The following HLA-DRB1 variants were observed in gnomAD, a reference collection of about 807,000 sequenced individuals.
The protein encoded by HLA-DRB1 is major histocompatibility complex, class II, DR beta 1.
In HLA-DRB1, 10 loss-of-function variants were observed where a neutral mutation model predicts 27.9. That is an observed-to-expected ratio of 0.36 (90% CI 0.22 to 0.61). The LOEUF is 0.61. Ranked by LOEUF, HLA-DRB1 falls within the 20% of genes least tolerant of loss-of-function variation. The pLI is 0.73. For synonymous variants in HLA-DRB1, 57 were observed against 126.7 expected (o/e 0.45, Z 3.69); for missense variants, 118 against 306.3 (o/e 0.39, Z 4.59).
At chr6:32,583,663 T>C in intron 2 of HLA-DRB1, among the ~76,000 whole-genome samples, 1 of 64,016 alleles carries the variant, frequency 1.6e-5, no homozygotes, top group African/African-American at 6.7e-5. Flanking sequence ...CCTCCTCACA[T>C]TATCCCAAAC....
At chr6:32,584,359 A>AGCC in exon 2 of HLA-DRB1, 3 of 759,112 alleles carry the variant, frequency 4.0e-6, no homozygotes, top group South Asian at 1.6e-5. Flanking sequence ...ACTCCCTCTT[A>AGCC]GGCTGCCACA....
chr6:32,586,481 G>C (rs552672286), intron 1 of HLA-DRB1, among the ~76,000 whole-genome samples: 11,044 of 66,746 alleles, frequency 0.17, 33 homozygotes, highest in Middle Eastern at 0.23. Flanking sequence ...TATTTTCCTG[G>C]ACTTACACAC....
intron 1 of HLA-DRB1, among the ~76,000 whole-genome samples, chr6:32,585,637 C>T: frequency 7.3e-6 from 1 of 137,752 alleles, no homozygotes. Context: ...TTCTGTTCTT[C>T]TATTAGTTTC....
rs1211493692 is a variant in HLA-DRB1 at position 32,580,670 on chromosome 6, GAACT to G, written c.763+72_763+75del. On this transcript the variant is annotated intron_variant, in intron 4 of 5. Coordinates refer to ENST00000360004, the Ensembl canonical transcript of HLA-DRB1. ...TTATTCAGGGCCACTCATATACTGA[GAACT>G]AACCTCAGCAAAGCCATAGTTCCTC... is the stretch of plus-strand genomic sequence containing the variant. The G allele has an allele frequency of 5.3e-6, 7 of 1,328,570 alleles. 2 individuals carry two copies. Among genetic ancestry groups the G allele is most frequent in the African/African-American group, 4.5e-5 (3 of 66,534 alleles). 82.3% of individuals were successfully genotyped at this position (1,328,570 alleles called of 1,614,324 possible). A position where few individuals can be genotyped will look rare whatever the true frequency, so the allele number is the denominator to read the frequency against.
chr6:32,584,569 C>T (rs41285671), intron 1 of HLA-DRB1, among the ~76,000 whole-genome samples, 191 bp from the exon 2 acceptor site: 47,030 of 140,548 alleles, frequency 0.33, 3,213 homozygotes, highest in Middle Eastern at 0.42. Context: ...CCTGGGGGAC[C>T]ATGCGGGAAA....
At chr6:32,586,402 A>G (rs9270078) in intron 1 of HLA-DRB1, among the ~76,000 whole-genome samples, 26,239 of 63,116 alleles carry the variant, frequency 0.42, 7,559 homozygotes, top group Middle Eastern at 0.54. Context: ...TCTCTATCAT[A>G]TTCTCACTTG....
chr6:32,584,825 T>A (rs1776166155), intron 1 of HLA-DRB1, among the ~76,000 whole-genome samples: 1 of 113,524 alleles, frequency 8.8e-6, no homozygotes, highest in Non-Finnish European at 1.8e-5. Flanking sequence ...CTGCGCTGCC[T>A]CTAGGAATCC....
intron 1 of HLA-DRB1, 122 bp downstream of exon 1, chr6:32,589,521 A>C: frequency 2.1e-6 from 1 of 469,716 alleles, no homozygotes; most frequent in Non-Finnish European, 3.7e-6. Flanking sequence ...CCAATGATAA[A>C]GATGGGCAAT....
intron 3 of HLA-DRB1, among the ~76,000 whole-genome samples, 174 bp downstream of exon 3, chr6:32,581,383 T>G: frequency 1.3e-5 from 1 of 75,700 alleles, no homozygotes; most frequent in Non-Finnish European, 2.6e-5. Flanking sequence ...CTCCAGGAGG[T>G]ACAGGTGTTT....
At chr6:32,584,862 T>C (rs1776171854) in intron 1 of HLA-DRB1, among the ~76,000 whole-genome samples, 1 of 119,954 alleles carries the variant, frequency 8.3e-6, no homozygotes, top group Non-Finnish European at 1.7e-5. Context: ...ACCTCTCCAC[T>C]CCTCTGGGGG....
chr6:32,589,591 C>T lies in HLA-DRB1; in HGVS notation c.100+52G>A, dbSNP rs200753731. 3,050 of 506,326 alleles carry T rather than the reference C, an allele frequency of 6.0e-3. 55 individuals carry two copies. The highest frequency in any genetic ancestry group is 0.035 in the East Asian group (647 of 18,358). The allele number at this position is 506,326 out of a possible 1,614,324, so 31.4% of individuals were successfully genotyped here. On this transcript the variant is annotated intron_variant, in intron 1 of 5. Transcript: ENST00000360004. ...TGGCCTGGGCACAATGTTAACAAAA[C>T]TCCCTATTTTCCCCACCCCATAGTA...
chr6:32,585,975 G>A (rs34865013), intron 1 of HLA-DRB1, among the ~76,000 whole-genome samples: 17,321 of 61,192 alleles, frequency 0.28, 2,266 homozygotes, highest in Middle Eastern at 0.36. Context: ...GATGGCGACT[G>A]GATTCATTTT....
At chr6:32,581,311 G>GTGA (rs1295443803) in intron 3 of HLA-DRB1, among the ~76,000 whole-genome samples, 2 of 77,536 alleles carry the variant, frequency 2.6e-5, no homozygotes, top group Non-Finnish European at 2.6e-5. Context: ...ACCCTGACCT[G>GTGA]CAAAATCATG....
At chr6:32,582,366 T>TGA (rs1186163627) in intron 2 of HLA-DRB1, among the ~76,000 whole-genome samples, 6,529 of 111,424 alleles carry the variant, frequency 0.059, 4 homozygotes, top group Admixed American at 0.096. Context: ...CATTCCACTG[T>TGA]GAGGGCACTC....
chr6:32,585,813 T>C (rs111278541), intron 1 of HLA-DRB1, among the ~76,000 whole-genome samples: 38,066 of 142,982 alleles, frequency 0.27, 4,920 homozygotes, highest in East Asian at 0.35. Context: ...AAATTTGTAA[T>C]ACTGGGTGTT....
Position 32,588,587 on chromosome 6 carries a change from C to T in HLA-DRB1, c.100+1056G>A, listed in dbSNP as rs151025335. The stretch of plus-strand genomic sequence containing the variant: ...TGGAGGAAGAGGTAAGCAGACATGG[C>T]TAGTTAAGGAAAGCTGAGGGCATGA... On this transcript the variant is annotated intron_variant, in intron 1 of 5. Coordinates refer to ENST00000360004, the Ensembl canonical transcript of HLA-DRB1. 5.2e-4 allele frequency among the ~76,000 whole-genome samples: 34 copies of T among 65,270 alleles called. 1 individual carries two copies. Among genetic ancestry groups the T allele is most frequent in the Admixed American group, 7.3e-4 (4 of 5,450 alleles). The allele number at this position is 65,270 out of a possible 152,430, so 42.8% of individuals were successfully genotyped here. A position where few individuals can be genotyped will look rare whatever the true frequency, so the allele number is the denominator to read the frequency against.
intron 2 of HLA-DRB1, among the ~76,000 whole-genome samples, chr6:32,582,423 A>C (rs41293211): frequency 0.14 from 15,118 of 108,874 alleles, 1,954 homozygotes; most frequent in Non-Finnish European, 0.14. Context: ...ATCCTTGTAC[A>C]CCTTGACAGA....
Position 32,586,761 on chromosome 6 carries a change from TC to T in HLA-DRB1, c.101-2384del, listed in dbSNP as rs1776459423. 2.4e-5 allele frequency among the ~76,000 whole-genome samples: 2 copies of T among 81,638 alleles called. 1 individual carries two copies. Among genetic ancestry groups the T allele is most frequent in the Non-Finnish European group, 4.9e-5 (2 of 40,568 alleles). The allele number at this position is 81,638 out of a possible 152,430, so 53.6% of individuals were successfully genotyped here. A position where few individuals can be genotyped will look rare whatever the true frequency, so the allele number is the denominator to read the frequency against. The stretch of plus-strand genomic sequence containing the variant: ...CTCATATTTAAACAAAACTTTTATT[TC>T]AAACCACCCACTTCAAATCATTTCC... On this transcript the variant is annotated intron_variant, in intron 1 of 5. Coordinates refer to ENST00000360004, the Ensembl canonical transcript of HLA-DRB1.
At chr6:32,581,296 G>A (rs28732314) in intron 3 of HLA-DRB1, among the ~76,000 whole-genome samples, 6,133 of 68,004 alleles carry the variant, frequency 0.09, 13 homozygotes, top group Middle Eastern at 0.15. Context: ...CTGGGAGAGT[G>A]GGTGACCCTG....
Sources: gnomAD v4.1 joint callset for allele counts (sites outside exome capture counted in the v4.1 genomes callset) on GRCh38, gnomAD v4.1.1 for gene constraint, MANE v1.5 for transcripts, NCBI Gene and HGNC (gene_info 2026-07-23, HGNC 2026-07-21) for gene names.